Variants in CACNA1E observed in about 807,000 individuals in gnomAD.
The protein encoded by CACNA1E is calcium voltage-gated channel subunit alpha1 E.
In CACNA1E, 40 loss-of-function variants were observed where a neutral mutation model predicts 259.2. The observed-to-expected ratio is 0.15, with a 90% CI of 0.12 to 0.20. CACNA1E has a LOEUF of 0.20. Ranked by LOEUF, CACNA1E falls within the 10% of genes least tolerant of loss-of-function variation. The pLI, the probability that CACNA1E is intolerant of heterozygous loss-of-function variation, is 1.00. For synonymous variants in CACNA1E, 1,104 were observed against 1,138.5 expected, an observed-to-expected ratio of 0.97 and a Z score of 0.61; for missense variants, 1,874 against 3,040.1, an observed-to-expected ratio of 0.62 and a Z score of 9.02.
At chr1:181,318,113 A>G (rs1046073339) in exon 1 of CACNA1E, 6 of 151,218 alleles carry the variant, frequency 4.0e-5, no homozygotes, top group Non-Finnish European at 8.8e-5. Flanking sequence ...GGGACTCTGC[A>G]TTAATTCAAG....
Position 181,590,240 on chromosome 1 carries a change from A to T in CACNA1E, c.951+9464A>T, listed in dbSNP as rs191415726. On this transcript the variant is annotated intron_variant, in intron 6 of 47. Transcript: ENST00000367573. ...AGGATCTTTTCTCCTTTAAGGTGCCAGGTACTAGGGGCCCCATTTACACTT... is the reference window on the plus strand; with the variant it reads ...AGGATCTTTTCTCCTTTAAGGTGCCTGGTACTAGGGGCCCCATTTACACTT... Among the ~76,000 whole-genome samples the T allele has an allele frequency of 2.0e-5, 3 of 151,858 alleles. No individual in the cohort carries two copies. The East Asian group carries it at 5.8e-4, about 30-fold the overall frequency.
chr1:181,461,341 A>T (rs1198212849), intron 2 of CACNA1E, among the ~76,000 whole-genome samples: 25 of 151,514 alleles, frequency 1.7e-4, no homozygotes, highest in African/African-American at 5.6e-4. Flanking sequence ...GGAGATCGAG[A>T]CCATCCTGGC....
At position 181,405,784 on chromosome 1, in the gene CACNA1E, C is replaced by T. The variant is rs558829311; in HGVS notation, c.-14-7349C>T. On this transcript the variant is annotated intron_variant, in intron 1 of 11. Transcript: ENST00000524607. ...ATGGAATGTGGAGAGTTGATATACA[C>T]CACTTCTAGGCCTTGCCTGTAAGCC... Among the ~76,000 whole-genome samples the T allele has an allele frequency of 3.9e-5, 6 of 152,312 alleles. No homozygotes were observed. In the South Asian group the frequency reaches 1.0e-3, roughly 26 times the overall value.
intron 1 of CACNA1E, among the ~76,000 whole-genome samples, chr1:181,342,467 T>TAGAA (rs1033563578): frequency 6.6e-6 from 1 of 151,348 alleles, no homozygotes; most frequent in Non-Finnish European, 1.5e-5. Context: ...CCATCAACAG[T>TAGAA]AGAATGGATA....
intron 3 of CACNA1E, among the ~76,000 whole-genome samples, chr1:181,570,999 C>A (rs937434180): frequency 1.3e-5 from 2 of 152,118 alleles, no homozygotes; most frequent in African/African-American, 4.8e-5. Context: ...CTCAGTATAC[C>A]TTTTTGGAGG....
At chr1:181,531,343 C>T (rs1429002398) in intron 3 of CACNA1E, among the ~76,000 whole-genome samples, 2 of 152,182 alleles carry the variant, frequency 1.3e-5, no homozygotes. Flanking sequence ...CACTTATCTG[C>T]ATTTTCCCTC....
At chr1:181,569,543 A>G (rs1379505713) in intron 3 of CACNA1E, among the ~76,000 whole-genome samples, 2 of 152,256 alleles carry the variant, frequency 1.3e-5, no homozygotes, top group East Asian at 1.9e-4. Context: ...ATCAAATCAC[A>G]CTTCAGTAAT....
rs3830691 is a variant in CACNA1E at position 181,737,866 on chromosome 1, C to CCAGGGCTCTG, written c.3552+226_3552+235dup. On this transcript the variant is annotated intron_variant, in intron 23 of 47. Coordinates refer to ENST00000367573, the MANE Select transcript of CACNA1E (RefSeq NM_001205293.3). ...ACTACAAGGCTCTGCCCCAAACCGGCCAGGGCTCTGCAGGGCTCTGCAGCC... is the reference window on the plus strand; with the variant it reads ...ACTACAAGGCTCTGCCCCAAACCGGCCAGGGCTCTGCAGGGCTCTGCAGGGCTCTGCAGCC... Among the ~76,000 whole-genome samples the CCAGGGCTCTG allele has an allele frequency of 7.9e-5, 12 of 152,346 alleles. No individual in the cohort carries two copies. In the South Asian group the frequency reaches 1.4e-3, roughly 18 times the overall value.
At chr1:181,366,267 A>G (rs1033216833) in intron 1 of CACNA1E, among the ~76,000 whole-genome samples, 1 of 152,118 alleles carries the variant, frequency 6.6e-6, no homozygotes, top group Non-Finnish European at 1.5e-5. Flanking sequence ...CATCTCTCCT[A>G]TTCTTGCTAC....
chr1:181,775,581 T>C (rs765582594), intron 37 of CACNA1E, among the ~76,000 whole-genome samples: 1 of 152,244 alleles, frequency 6.6e-6, no homozygotes, highest in Admixed American at 6.5e-5. Context: ...TGGCAAACTA[T>C]AGCCCTTGGG....
At chr1:181,453,467 C>T (rs1488543666) in intron 2 of CACNA1E, among the ~76,000 whole-genome samples, 3 of 152,132 alleles carry the variant, frequency 2.0e-5, no homozygotes, top group Non-Finnish European at 4.4e-5. Flanking sequence ...CAGTTTCTGC[C>T]TTCAAGGGAG....
At chr1:181,625,276 G>A (rs1656091577) in intron 6 of CACNA1E, among the ~76,000 whole-genome samples, 1 of 152,028 alleles carries the variant, frequency 6.6e-6, no homozygotes, top group Non-Finnish European at 1.5e-5. Context: ...CCTAACAAGA[G>A]AGTTAGCCTG....
chr1:181,528,899 C>A (rs1421385904), intron 3 of CACNA1E, among the ~76,000 whole-genome samples: 1 of 152,182 alleles, frequency 6.6e-6, no homozygotes, highest in Non-Finnish European at 1.5e-5. Context: ...CCTGACAATG[C>A]AGTAGAGAAG....
At chr1:181,354,975 A>G (rs894471421) in intron 1 of CACNA1E, among the ~76,000 whole-genome samples, 2 of 152,256 alleles carry the variant, frequency 1.3e-5, no homozygotes, top group African/African-American at 4.8e-5. Context: ...GAGAGCAAAG[A>G]GGGCCAGCAC....
intron 6 of CACNA1E, among the ~76,000 whole-genome samples, chr1:181,584,293 A>G (rs1013218338): frequency 1.3e-5 from 2 of 152,246 alleles, no homozygotes; most frequent in Non-Finnish European, 2.9e-5. Flanking sequence ...ACTCATGTAG[A>G]GGCAGAAATT....
intron 7 of CACNA1E, chr1:181,668,993 A>C (rs188678167): frequency 6.6e-6 from 1 of 152,246 alleles, no homozygotes; most frequent in African/African-American, 2.4e-5. Context: ...GTGCCACTAC[A>C]TTCCAGCCTG....
chr1:181,791,595 A>G (rs550690912), intron 44 of CACNA1E, among the ~76,000 whole-genome samples: 1 of 152,316 alleles, frequency 6.6e-6, no homozygotes, highest in African/African-American at 2.4e-5. Flanking sequence ...CCTAAACATC[A>G]TTGACTTTAC....
intron 1 of CACNA1E, among the ~76,000 whole-genome samples, chr1:181,386,490 T>A (rs1285719607): frequency 6.6e-6 from 1 of 152,132 alleles, no homozygotes; most frequent in East Asian, 1.9e-4. Context: ...TTCTAGGTCA[T>A]CTGAAGGACA....
At position 181,805,028 on chromosome 1, in the gene CACNA1E, T is replaced by A. The variant is rs760925041; in HGVS notation, c.*6194T>A. 1 of 151,762 alleles carries A rather than the reference T, an allele frequency of 6.6e-6. No individual in the cohort carries two copies. The allele number at this position is 151,762 out of a possible 1,614,324, so 9.4% of individuals were successfully genotyped here. On this transcript the variant is annotated 3_prime_UTR_variant, in exon 48 of 48. Coordinates refer to ENST00000367573, the MANE Select transcript of CACNA1E (RefSeq NM_001205293.3). ...TTCTCTTTGTGCAAACTTAAACCAG[T>A]CATAGATTGTCACCCAGACATATTC...
Sources: gnomAD v4.1 joint callset for allele counts (sites outside exome capture counted in the v4.1 genomes callset) on GRCh38, gnomAD v4.1.1 for gene constraint, MANE v1.5 for transcripts, NCBI Gene and HGNC (gene_info 2026-07-23, HGNC 2026-07-21) for gene names.